VPS39: variants seen among roughly 807,000 people sequenced by gnomAD.
The protein encoded by VPS39 is vam6/Vps39-like protein.
In VPS39, 70 loss-of-function variants were observed where a neutral mutation model predicts 121.0. The observed-to-expected ratio is 0.58, with a 90% CI of 0.48 to 0.71. The LOEUF is 0.71. VPS39 is among the 30% of genes least tolerant of loss of function. The pLI is 0.00. For missense variants in VPS39, 818 were observed against 1,051.5 expected, an observed-to-expected ratio of 0.78 and a Z score of 3.07; for synonymous variants, 378 against 398.1, an observed-to-expected ratio of 0.95 and a Z score of 0.60.
At chr15:42,164,522 T>C in intron 18 of VPS39, 36 bp from the exon 19 acceptor site, 1 of 1,611,434 alleles carries the variant, frequency 6.2e-7, no homozygotes, top group Non-Finnish European at 8.5e-7. Context: ...GAAAGGACAC[T>C]GCCAGGTGGC....
intron 8 of VPS39, among the ~76,000 whole-genome samples, chr15:42,183,196 C>A (rs1017313838): frequency 1.3e-5 from 2 of 151,576 alleles, no homozygotes; most frequent in Admixed American, 6.6e-5. Flanking sequence ...CCCCTCCCTT[C>A]AAGCAGTTCT....
chr15:42,174,348 C>T (rs753490714), intron 10 of VPS39, among the ~76,000 whole-genome samples: 7 of 152,200 alleles, frequency 4.6e-5, no homozygotes, highest in African/African-American at 7.2e-5. Context: ...TAAGTAACTA[C>T]GCAATTAAAA....
intron 13 of VPS39, 146 bp downstream of exon 13, chr15:42,167,248 A>C: frequency 9.5e-7 from 1 of 1,048,430 alleles, no homozygotes; most frequent in Non-Finnish European, 1.4e-6. Flanking sequence ...AGACTCACAG[A>C]CATCAGGAGA....
intron 14 of VPS39, 23 bp downstream of exon 14, chr15:42,166,749 G>A (rs1361783649): frequency 6.2e-6 from 10 of 1,613,346 alleles, no homozygotes; most frequent in South Asian, 3.3e-5. Context: ...GCCCCTCCCA[G>A]ATCCAAGGAA....
intron 24 of VPS39, 190 bp from the exon 25 acceptor site, chr15:42,161,019 C>CA: frequency 4.9e-6 from 3 of 608,810 alleles, no homozygotes; most frequent in Non-Finnish European, 8.8e-6. Flanking sequence ...AATAACCAAA[C>CA]AGAGGATGAG....
intron 10 of VPS39, among the ~76,000 whole-genome samples, chr15:42,176,480 G>C (rs9672364): frequency 6.6e-6 from 1 of 151,850 alleles, no homozygotes; most frequent in African/African-American, 2.4e-5. Flanking sequence ...GGATGGGATG[G>C]GAAGGATTAT....
chr15:42,175,945 C>T (rs1009489473), intron 10 of VPS39, among the ~76,000 whole-genome samples: 2 of 152,136 alleles, frequency 1.3e-5, no homozygotes, highest in Non-Finnish European at 1.5e-5. Context: ...CAGCCCACAG[C>T]GAACTGTCCC....
At chr15:42,200,764 A>T (rs763323954) in intron 1 of VPS39, among the ~76,000 whole-genome samples, 1 of 152,272 alleles carries the variant, frequency 6.6e-6, no homozygotes, top group African/African-American at 2.4e-5. Context: ...TGTTCACAGC[A>T]GTATTATCTG....
intron 19 of VPS39, among the ~76,000 whole-genome samples, chr15:42,164,053 A>G (rs1235264702): frequency 6.6e-6 from 1 of 152,256 alleles, no homozygotes; most frequent in Non-Finnish European, 1.5e-5. Context: ...AGCTCTCATA[A>G]AGACAAATTA....
chr15:42,193,606 C>T (rs2140881163), intron 2 of VPS39, among the ~76,000 whole-genome samples: 1 of 152,290 alleles, frequency 6.6e-6, no homozygotes, highest in Admixed American at 6.5e-5. Context: ...AATACTGGTT[C>T]ACTGAGTTAT....
chr15:42,170,439 G>C (rs2049324895), intron 11 of VPS39, among the ~76,000 whole-genome samples: 1 of 152,146 alleles, frequency 6.6e-6, no homozygotes, highest in South Asian at 2.1e-4. Context: ...GGAGGTCGAG[G>C]CTGCAGTGAG....
In VPS39 at chr15:42,162,459, A is replaced by C; in HGVS notation, c.2198T>G (p.Met733Arg). Residue 733 changes from methionine to arginine, a missense_variant, in exon 22 of 25, where the codon ATG becomes AGG. Met to Arg is a moderately conservative substitution (Grantham distance 91). Coordinates refer to ENST00000318006, the MANE Select transcript of VPS39 (RefSeq NM_015289.5). The part of the protein sequence containing the change: ...NKDVYLSLLR[M>R]YLSPPSIHCL... ...GTGAATGCTGGGGGGCGACAGGTACATCCGAAGCAGGGACAGATACACCTG... is the reference window on the plus strand; with the variant it reads ...GTGAATGCTGGGGGGCGACAGGTACCTCCGAAGCAGGGACAGATACACCTG... 1.9e-6 allele frequency: 3 copies of C among 1,609,642 alleles called. No individual in the cohort carries two copies. The highest frequency in any genetic ancestry group is 2.2e-5 in the East Asian group (1 of 44,786).
At chr15:42,188,822 C>T (rs1285584802) in intron 5 of VPS39, among the ~76,000 whole-genome samples, 1 of 151,950 alleles carries the variant, frequency 6.6e-6, no homozygotes. Flanking sequence ...AAAAAATAGC[C>T]GGACGTGGTG....
intron 17 of VPS39, 130 bp downstream of exon 17, chr15:42,165,588 G>A (rs1257077501): frequency 1.6e-5 from 11 of 688,586 alleles, no homozygotes; most frequent in Admixed American, 1.4e-4. Flanking sequence ...TTCAGAGGAA[G>A]CTGAAATAAC....
intron 11 of VPS39, among the ~76,000 whole-genome samples, chr15:42,172,104 C>T (rs745746729): frequency 1.3e-5 from 2 of 152,220 alleles, no homozygotes; most frequent in Non-Finnish European, 2.9e-5. Flanking sequence ...GACACTCCTC[C>T]ATCAAGAGAG....
chr15:42,188,846 G>C (rs1233001943), intron 5 of VPS39, among the ~76,000 whole-genome samples: 1 of 152,056 alleles, frequency 6.6e-6, no homozygotes, highest in Non-Finnish European at 1.5e-5. Context: ...CACACCTGTA[G>C]TCCCAGCTAC....
intron 17 of VPS39, 192 bp from the exon 18 acceptor site, chr15:42,165,305 C>A (rs2049220582): frequency 8.4e-6 from 5 of 597,180 alleles, no homozygotes; most frequent in Non-Finnish European, 1.5e-5. Flanking sequence ...ACGTGAGGAG[C>A]CATCTTCTCA....
intron 16 of VPS39, 71 bp from the exon 17 acceptor site, chr15:42,165,887 G>T: frequency 7.0e-7 from 1 of 1,418,898 alleles, no homozygotes; most frequent in Non-Finnish European, 9.9e-7. Flanking sequence ...ACACGCATGT[G>T]AGCGCAGGGA....
intron 6 of VPS39, 73 bp downstream of exon 6, chr15:42,187,685 T>A: frequency 3.0e-6 from 4 of 1,343,334 alleles, no homozygotes; most frequent in Non-Finnish European, 4.3e-6. Flanking sequence ...AAGACTGGAG[T>A]CCTGAACTTC....
Sources: allele counts gnomAD v4.1 joint callset (sites outside exome capture counted in the v4.1 genomes callset), GRCh38; gene constraint gnomAD v4.1.1; transcripts MANE v1.5; gene names NCBI Gene and HGNC (gene_info 2026-07-23, HGNC 2026-07-21).